SLC29A2: variants seen among roughly 807,000 people sequenced by gnomAD.
SLC29A2 encodes equilibrative nucleoside transporter 2.
A neutral mutation model predicts 48.8 loss-of-function variants in SLC29A2; 37 were observed. That is an observed-to-expected ratio of 0.76 (90% confidence interval 0.58 to 1.00). The LOEUF is 1.00. Among genes scored for constraint, SLC29A2 ranks in the 50% least tolerant of loss-of-function variants. SLC29A2 has a pLI of 0.00. For missense variants in SLC29A2, 533 were observed against 578.6 expected, an observed-to-expected ratio of 0.92 and a Z score of 0.81; for synonymous variants, 233 against 261.7, an observed-to-expected ratio of 0.89 and a Z score of 1.06.
intron 7 of SLC29A2, 29 bp from the exon 8 acceptor site, chr11:66,366,593 A>T (rs1855713617): frequency 6.2e-7 from 1 of 1,609,624 alleles, no homozygotes; most frequent in Admixed American, 1.7e-5. Flanking sequence ...GGGAAGGGTC[A>T]TGCTTGTGAC....
upstream of SLC29A2, chr11:66,371,830 T>G: frequency 7.4e-6 from 4 of 542,474 alleles, no homozygotes; most frequent in Non-Finnish European, 1.3e-5. Context: ...CCGTCTCTCC[T>G]TCCCCCACCC....
rs1855692830 is a variant in SLC29A2 at position 66,366,349 on chromosome 11, A to G, written c.867+82T>C. ...CCTGGCCCAGCTGTGTCCCTGACCC[A>G]CTGTGACCCTATGACCTTGGAGTCA... On this transcript the variant is annotated intron_variant, in intron 8 of 11. Transcript: ENST00000357440. The G allele has an allele frequency of 2.5e-6, 4 of 1,609,720 alleles. No homozygotes were observed. In the African/African-American group the frequency reaches 4.0e-5, roughly 16 times the overall value.
chr11:66,367,997 T>C, intron 5 of SLC29A2, 128 bp from the exon 6 acceptor site: 1 of 741,558 alleles, frequency 1.3e-6, no homozygotes, highest in Non-Finnish European at 2.4e-6. Flanking sequence ...CGCTCCTCCC[T>C]TCACTGACAA....
chr11:66,368,398 C>G, intron 5 of SLC29A2, 139 bp downstream of exon 5: 1 of 1,178,820 alleles, frequency 8.5e-7, no homozygotes, highest in Non-Finnish European at 1.2e-6. Context: ...CTCCCTAGCC[C>G]CAGACCCAAT....
chr11:66,365,006 GT>G (rs1298774643), intron 10 of SLC29A2, among the ~76,000 whole-genome samples: 2 of 152,002 alleles, frequency 1.3e-5, no homozygotes, highest in Non-Finnish European at 2.9e-5. Flanking sequence ...GAGAGCAGTG[GT>G]GCGATCTCGG....
At chr11:66,365,622 AAACC>A (rs1189532145) in intron 10 of SLC29A2, among the ~76,000 whole-genome samples, 2 of 152,248 alleles carry the variant, frequency 1.3e-5, no homozygotes, top group Non-Finnish European at 2.9e-5. Flanking sequence ...ACCATGGCTA[AAACC>A]AACCCCAAAA....
chr11:66,367,944 C>A, intron 5 of SLC29A2, 75 bp from the exon 6 acceptor site: 1 of 1,157,092 alleles, frequency 8.6e-7, no homozygotes. Flanking sequence ...ACTCTTGTCC[C>A]ACTTCCCATT....
chr11:66,367,760 C>G lies in SLC29A2; in HGVS notation c.648+12G>C. ...CTTTGAGGTGGGGCCTCGAGCCCAA[C>G]AGCAGGCTCACCAGGTGAGGCAGGC... On this transcript the variant is annotated intron_variant, in intron 6 of 11. Coordinates refer to ENST00000357440, the MANE Select transcript of SLC29A2 (RefSeq NM_001532.3). 1 of 1,612,086 alleles carries G rather than the reference C, an allele frequency of 6.2e-7. No individual in the cohort carries two copies. Among genetic ancestry groups the G allele is most frequent in the African/African-American group, 1.3e-5 (1 of 75,002 alleles).
At chr11:66,364,196 GC>G (rs1855531984) in intron 11 of SLC29A2, 28 bp downstream of exon 11, 10 of 1,406,828 alleles carry the variant, frequency 7.1e-6, no homozygotes, top group Non-Finnish European at 9.9e-6. Flanking sequence ...CCTACTCCCA[GC>G]CCCCCACCCC....
Position 66,371,685 on chromosome 11 carries a change from G to C in SLC29A2, c.-94C>G. The C allele has an allele frequency of 1.5e-6, 2 of 1,302,044 alleles. No individual in the cohort carries two copies. Among genetic ancestry groups the C allele is most frequent in the Non-Finnish European group, 2.1e-6 (2 of 948,316 alleles). The allele number at this position is 1,302,044 out of a possible 1,614,324, so 80.7% of individuals were successfully genotyped here. On this transcript the variant is annotated 5_prime_UTR_variant, in exon 1 of 12. Coordinates refer to ENST00000357440, the MANE Select transcript of SLC29A2 (RefSeq NM_001532.3). ...GAGGGCCGCAGACCGGTGGGGCGGG[G>C]GGCGGGTCTCCCCAGATTCCGGTGC...
chr11:66,367,725 A>G, intron 6 of SLC29A2, 47 bp downstream of exon 6: 1 of 1,570,562 alleles, frequency 6.4e-7, no homozygotes, highest in Non-Finnish European at 8.8e-7. Flanking sequence ...TCAGGACTCT[A>G]TCCAAGATGC....
chr11:66,366,541 G>T lies in SLC29A2; in HGVS notation c.757C>A (p.Pro253Thr). Residue 253 changes from proline to threonine, a missense_variant, in exon 8 of 12, where the codon CCC becomes ACC. Transcript: ENST00000357440. ...TCCAGGGTCAGAGCTACTTTCTGGG[G>T]ACTACTGGGAATCCCGTTCTCATCT... is the stretch of plus-strand genomic sequence containing the variant. Reference protein sequence around the residue: ...QSDENGIPSSPQKVALTLDLD... With the variant: ...QSDENGIPSSTQKVALTLDLD... 1 of 1,613,904 alleles carries T rather than the reference G, an allele frequency of 6.2e-7. No homozygotes were observed. Among genetic ancestry groups the T allele is most frequent in the Non-Finnish European group, 8.5e-7 (1 of 1,180,018 alleles).
chr11:66,371,229 C>A lies in SLC29A2; in HGVS notation c.111+15G>T. The A allele has an allele frequency of 6.2e-7, 1 of 1,611,646 alleles. No individual in the cohort carries two copies. ...GGCTGTGGCCACGAGGCTGCCACGC[C>A]GCCAGGAGTCTCACCGGGATGGCGG... On this transcript the variant is annotated intron_variant, in intron 2 of 11. Transcript: ENST00000357440.
At position 66,366,157 on chromosome 11, in the gene SLC29A2, C is replaced by T. The variant is rs143174853; in HGVS notation, c.942G>A (p.Met314Ile). The change falls in exon 9 of 12, where the codon ATG becomes ATA. Residue 314 changes from methionine to isoleucine, a missense_variant. Met to Ile is a conservative substitution (Grantham distance 10). Transcript: ENST00000357440. ...TCCCAGGACTGGTGGAGCTGGTCAC[C>T]ATGGCTGTGATGGCGGGGAAGACGG... ...TLSVFPAITA[M>I]VTSSTSPGKW... 5 of 1,614,196 alleles carry T rather than the reference C, an allele frequency of 3.1e-6. No homozygotes were observed. The highest frequency in any genetic ancestry group is 4.2e-6 in the Non-Finnish European group (5 of 1,180,030).
chr11:66,365,842 T>G, intron 10 of SLC29A2, 94 bp downstream of exon 10: 1 of 1,243,408 alleles, frequency 8.0e-7, no homozygotes, highest in Non-Finnish European at 1.2e-6. Flanking sequence ...CCAGGCCATT[T>G]GGACTACCAG....
intron 1 of SLC29A2, 88 bp downstream of exon 1, chr11:66,371,475 G>T: frequency 6.6e-7 from 1 of 1,510,922 alleles, no homozygotes; most frequent in South Asian, 1.2e-5. Context: ...ATTGTAGTTC[G>T]ATCCGGTCTT....
intron 5 of SLC29A2, 67 bp downstream of exon 5, chr11:66,368,470 A>T: frequency 6.2e-7 from 1 of 1,601,836 alleles, no homozygotes. Flanking sequence ...TCTTGCTCTC[A>T]CATGCCCTCT....
chr11:66,363,585 G>A, intron 11 of SLC29A2, 38 bp from the exon 12 acceptor site: 1 of 1,515,996 alleles, frequency 6.6e-7, no homozygotes, highest in Non-Finnish European at 9.1e-7. Context: ...AGAAAATGCT[G>A]GGTCTAAATC....
At chr11:66,367,617 A>G in intron 6 of SLC29A2, 69 bp from the exon 7 acceptor site, 1 of 1,562,990 alleles carries the variant, frequency 6.4e-7, no homozygotes. Context: ...TCCCCATACC[A>G]TTGGCCTGGA....
Sources: allele counts gnomAD v4.1 joint callset (sites outside exome capture counted in the v4.1 genomes callset), GRCh38; gene constraint gnomAD v4.1.1; transcripts MANE v1.5; gene names NCBI Gene and HGNC (gene_info 2026-07-23, HGNC 2026-07-21).